Variants in SPTBN1 observed in about 807,000 individuals in gnomAD.
SPTBN1 encodes the protein spectrin beta, non-erythrocytic 1.
In SPTBN1, 32 loss-of-function variants were observed where a neutral mutation model predicts 266.4. The observed-to-expected ratio is 0.12, with a 90% CI of 0.09 to 0.16. The LOEUF is 0.16. SPTBN1 is among the 10% of genes least tolerant of loss of function. SPTBN1 has a pLI of 1.00. For missense variants in SPTBN1, 2,296 were observed against 3,067.1 expected, an observed-to-expected ratio of 0.75 and a Z score of 5.94; for synonymous variants, 1,336 against 1,162.2, an observed-to-expected ratio of 1.15 and a Z score of -3.04.
At chr2:54,552,889 G>A (rs903487125) in intron 2 of SPTBN1, among the ~76,000 whole-genome samples, 1 of 152,240 alleles carries the variant, frequency 6.6e-6, no homozygotes, top group Admixed American at 6.5e-5. Flanking sequence ...TGTGAGTCGT[G>A]AGGGGAGGGG....
At chr2:54,563,706 C>T (rs866189848) in intron 2 of SPTBN1, among the ~76,000 whole-genome samples, 7 of 142,100 alleles carry the variant, frequency 4.9e-5, no homozygotes, top group South Asian at 2.2e-4. Context: ...CGGGTTCAAG[C>T]GATTCTCCTG....
At chr2:54,597,836 G>C (rs1326285487) in intron 2 of SPTBN1, among the ~76,000 whole-genome samples, 2 of 142,008 alleles carry the variant, frequency 1.4e-5, no homozygotes, top group South Asian at 4.7e-4. Flanking sequence ...CAGTGGTTTT[G>C]AAATACATGC....
chr2:54,617,280 A>G (rs1677669935), intron 5 of SPTBN1, among the ~76,000 whole-genome samples: 2 of 152,232 alleles, frequency 1.3e-5, no homozygotes. Context: ...TAGAGTAGAA[A>G]GCCAATGGAA....
At chr2:54,507,849 G>A (rs1384958437) in intron 1 of SPTBN1, among the ~76,000 whole-genome samples, 1 of 149,328 alleles carries the variant, frequency 6.7e-6, no homozygotes, top group Non-Finnish European at 1.5e-5. Flanking sequence ...GATTTTGGAA[G>A]AAAGAGAAAT....
At chr2:54,667,061 C>A (rs1681417885) in intron 34 of SPTBN1, among the ~76,000 whole-genome samples, 1 of 152,230 alleles carries the variant, frequency 6.6e-6, no homozygotes, top group Non-Finnish European at 1.5e-5. Flanking sequence ...CTCTCCGCAG[C>A]CACAGAGTGA....
At chr2:54,652,851 T>G (rs1680385443) in intron 26 of SPTBN1, 1 of 151,472 alleles carries the variant, frequency 6.6e-6, no homozygotes, top group African/African-American at 2.4e-5. Flanking sequence ...CATGCCAGTT[T>G]CTGTGTTGGT....
At chr2:54,475,615 T>G (rs1038472462) in intron 1 of SPTBN1, among the ~76,000 whole-genome samples, 3 of 152,318 alleles carry the variant, frequency 2.0e-5, no homozygotes, top group Non-Finnish European at 4.4e-5. Flanking sequence ...GTGGGAAACA[T>G]GCTTCTGTGA....
intron 1 of SPTBN1, among the ~76,000 whole-genome samples, chr2:54,479,177 C>T (rs1331242989): frequency 6.6e-6 from 1 of 152,152 alleles, no homozygotes; most frequent in Non-Finnish European, 1.5e-5. Flanking sequence ...AGGCTGACTG[C>T]AGAGTCTTCT....
rs1572708572 is a variant in SPTBN1, at chr2:54,628,572, C to G, written c.1798+322C>G. Among the ~76,000 whole-genome samples the G allele has an allele frequency of 6.6e-6, 1 of 152,210 alleles. No homozygotes were observed. Among genetic ancestry groups the G allele is most frequent in the Admixed American group, 6.5e-5 (1 of 15,288 alleles). On this transcript the variant is annotated intron_variant, in intron 13 of 35. Transcript: ENST00000356805. The surrounding 1 kb of genome is among the most constrained non-coding windows in gnomAD (Gnocchi z 4.3). ...CTGTTCCAGCAGCTCCTGGCTTTCA[C>G]AGCTGGTTGCATATACCTCTCTTTG...
At chr2:54,508,167 C>T (rs565472959) in intron 1 of SPTBN1, among the ~76,000 whole-genome samples, 5 of 152,152 alleles carry the variant, frequency 3.3e-5, no homozygotes, top group South Asian at 2.1e-4. Flanking sequence ...TAGTAAAGGC[C>T]GGTCCGTTAT....
intron 1 of SPTBN1, among the ~76,000 whole-genome samples, chr2:54,484,114 A>C (rs892349716): frequency 1.6e-4 from 24 of 152,162 alleles, no homozygotes; most frequent in Admixed American, 1.6e-3. Context: ...TGAGCTCAGG[A>C]GGCAGAGGTT....
At chr2:54,532,953 T>G (rs1388522349) in intron 2 of SPTBN1, among the ~76,000 whole-genome samples, 1 of 152,190 alleles carries the variant, frequency 6.6e-6, no homozygotes, top group Non-Finnish European at 1.5e-5. Flanking sequence ...GACCTTATCA[T>G]TATAGGATTT....
Position 54,626,185 on chromosome 2 carries a change from A to G in SPTBN1, c.1595A>G (p.Lys532Arg). 1 of 1,614,222 alleles carries G rather than the reference A, an allele frequency of 6.2e-7. No homozygotes were observed. Residue 532 changes from lysine to arginine, a missense_variant, in exon 12 of 36, where the codon AAG (lysine) becomes AGG (arginine). Transcript: ENST00000356805. The surrounding 1 kb of genome is among the most constrained non-coding windows in gnomAD (Gnocchi z 4.7). ...CTCGAGATGAACCTGGGGCTGCAGA[A>G]GATATTCCAGGAAATGCTCTACATT... ...QRLEMNLGLQ[K>R]IFQEMLYIMD...
chr2:54,502,236 G>C (rs1281085806), intron 1 of SPTBN1, among the ~76,000 whole-genome samples: 1 of 152,172 alleles, frequency 6.6e-6, no homozygotes, highest in Non-Finnish European at 1.5e-5. Flanking sequence ...CCTCACCCTT[G>C]CTCTCATCTG....
At chr2:54,624,019 A>G (rs1377542956) in intron 10 of SPTBN1, among the ~76,000 whole-genome samples, 1 of 152,262 alleles carries the variant, frequency 6.6e-6, no homozygotes, top group African/African-American at 2.4e-5. Context: ...TTTAATCATC[A>G]TGCCTATTAT....
chr2:54,641,676 G>A (rs1365737342), intron 18 of SPTBN1, among the ~76,000 whole-genome samples: 7 of 51,604 alleles, frequency 1.4e-4, no homozygotes, highest in African/African-American at 4.5e-4. Flanking sequence ...TCCCACCCCC[G>A]CCCCCTGCCC....
intron 30 of SPTBN1, 74 bp downstream of exon 30, chr2:54,658,120 G>A: frequency 6.4e-7 from 1 of 1,557,786 alleles, no homozygotes; most frequent in South Asian, 1.1e-5. Context: ...CTTAGACCAG[G>A]GAATTCACAC....
rs369581553 is a variant in SPTBN1, at chr2:54,659,976, C to A, written c.6397C>A (p.Pro2133Thr). 2 of 1,614,174 alleles carry A rather than the reference C, an allele frequency of 1.2e-6. No individual in the cohort carries two copies. The highest frequency in any genetic ancestry group is 1.1e-5 in the South Asian group (1 of 91,080). Residue 2133 changes from proline (P) to threonine (T), a missense_variant, in exon 32 of 36, where the codon CCA becomes ACA. Coordinates refer to ENST00000356805, the MANE Select transcript of SPTBN1 (RefSeq NM_003128.3). ...KGEQVSQNGLPAEQGSPRMAE... is the reference protein window; with the variant it reads ...KGEQVSQNGLTAEQGSPRMAE... Reference sequence around the variant, plus strand: ...AGAACAAGTTTCCCAAAACGGTTTGCCAGCTGAACAGGGATCTCCACGGGT... The same window carrying A: ...AGAACAAGTTTCCCAAAACGGTTTGACAGCTGAACAGGGATCTCCACGGGT...
intron 1 of SPTBN1, among the ~76,000 whole-genome samples, chr2:54,474,971 C>T (rs926530817): frequency 2.0e-5 from 3 of 151,756 alleles, no homozygotes; most frequent in Admixed American, 6.6e-5. Context: ...GTCAGGAGTT[C>T]GAGACCAACC....
Sources: allele counts gnomAD v4.1 joint callset (sites outside exome capture counted in the v4.1 genomes callset), GRCh38; gene constraint gnomAD v4.1.1; non-coding constraint Gnocchi (gnomAD v3.1); transcripts MANE v1.5; gene names NCBI Gene and HGNC (gene_info 2026-07-23, HGNC 2026-07-21).